The following WDSUB1 variants were observed in gnomAD, a reference collection of about 807,000 sequenced individuals.
WDSUB1 encodes WD repeat, sterile alpha motif and U-box domain containing 1, also known as WD repeat, SAM and U-box domain-containing protein 1.
Under a neutral mutation model 53.9 loss-of-function variants are expected in WDSUB1, and 49 were observed. The ratio of observed to expected loss-of-function variants is 0.91; its 90% CI spans 0.72 to 1.15. WDSUB1 has a LOEUF of 1.15. Ranked by LOEUF, WDSUB1 falls within the 50% of genes most tolerant of loss-of-function variation. The probability of loss-of-function intolerance (pLI) is 0.00; values close to 1 mark genes in which losing one functional copy is unlikely to be tolerated. For missense variants in WDSUB1, 514 were observed against 562.0 expected (o/e 0.91, Z 0.86); for synonymous variants, 194 against 200.6 (o/e 0.97, Z 0.28).
chr2:159,267,445 C>CA (rs1340181601), intron 5 of WDSUB1, among the ~76,000 whole-genome samples: 1 of 152,040 alleles, frequency 6.6e-6, no homozygotes, highest in Non-Finnish European at 1.5e-5. Context: ...AGACTACAGG[C>CA]ACACACCCCT....
In WDSUB1 at chr2:159,282,255, T is replaced by C. The variant is rs975549400; in HGVS notation, c.398+417A>G. 1.1e-4 allele frequency among the ~76,000 whole-genome samples: 17 copies of C among 151,586 alleles called. 1 individual carries two copies. Among genetic ancestry groups the C allele is most frequent in the Non-Finnish European group, 8.8e-5 (6 of 67,874 alleles). On this transcript the variant is annotated intron_variant, in intron 2 of 10. Transcript: ENST00000359774. Reference sequence around the variant, plus strand: ...TCACCCAGGCTGGAGTACAGTGGTGTGATCTCGGCTCACTGCAAGCTCCGC... The same window carrying C: ...TCACCCAGGCTGGAGTACAGTGGTGCGATCTCGGCTCACTGCAAGCTCCGC...
intron 9 of WDSUB1, among the ~76,000 whole-genome samples, chr2:159,251,698 G>A (rs2060954549): frequency 6.6e-6 from 1 of 152,176 alleles, no homozygotes; most frequent in African/African-American, 2.4e-5. Context: ...AAGACATCTT[G>A]ATGACAAGTT....
rs780567379 is a variant in WDSUB1 at position 159,271,664 on chromosome 2, A to G, written c.770+38T>C. 17 of 1,539,052 alleles carry G rather than the reference A, an allele frequency of 1.1e-5. No individual in the cohort carries two copies. The East Asian group carries it at 3.8e-4, about 35-fold the overall frequency. On this transcript the variant is annotated intron_variant, in intron 5 of 10. Transcript: ENST00000359774. Reference sequence around the variant, plus strand: ...TTTCCGTGTGTCTGTTTGATTTCATATAAAAATGGTTTAGGAAAATTAAAC... The same window carrying G: ...TTTCCGTGTGTCTGTTTGATTTCATGTAAAAATGGTTTAGGAAAATTAAAC...
At chr2:159,286,059 C>G (rs1477321644) in intron 1 of WDSUB1, among the ~76,000 whole-genome samples, 1 of 152,126 alleles carries the variant, frequency 6.6e-6, no homozygotes, top group Non-Finnish European at 1.5e-5. Context: ...TGAAAAAGCT[C>G]TCAGGCCTAC....
rs1359454241 is a variant in WDSUB1, at chr2:159,257,821, C to T, written c.889G>A (p.Ala297Thr). ...CAFAPNTLLL[A>T]TGSMDKTVNI... The stretch of plus-strand genomic sequence containing the variant: ...ACTGTTTTGTCCATTGAACCAGTAG[C>T]AAGTAAAAGGGTATTAGGTGCAAAA... Residue 297 changes from alanine (A) to threonine (T), a missense_variant, in exon 8 of 11, where the codon GCT becomes ACT. Coordinates refer to ENST00000359774, the MANE Select transcript of WDSUB1 (RefSeq NM_001128212.3). The T allele has an allele frequency of 1.2e-6, 2 of 1,614,138 alleles. No individual in the cohort carries two copies. Among genetic ancestry groups the T allele is most frequent in the South Asian group, 2.2e-5 (2 of 91,080 alleles).
chr2:159,280,412 C>T (rs1359565987), intron 2 of WDSUB1, among the ~76,000 whole-genome samples: 1 of 152,012 alleles, frequency 6.6e-6, no homozygotes, highest in Non-Finnish European at 1.5e-5. Context: ...CCAGAAGTGG[C>T]CGGGCGCGGT....
chr2:159,278,909 G>C lies in WDSUB1; in HGVS notation c.583+852C>G, dbSNP rs117510342. Among the ~76,000 whole-genome samples, 250 of 152,228 alleles carry C rather than the reference G, an allele frequency of 1.6e-3. 4 individuals carry two copies. In the East Asian group the frequency reaches 0.04, roughly 25 times the overall value. ...TAGGGCAGTGACTGGCCATATGTGG[G>C]TATCAAAGACTTGAAATGCAGCTAG... On this transcript the variant is annotated intron_variant, in intron 3 of 10. Transcript: ENST00000359774.
rs192861544 is a variant in WDSUB1 at position 159,260,264 on chromosome 2, C to T, written c.771-421G>A. 4.0e-3 allele frequency among the ~76,000 whole-genome samples: 613 copies of T among 152,130 alleles called. 8 individuals carry two copies. Among genetic ancestry groups the T allele is most frequent in the African/African-American group, 0.014 (584 of 41,474 alleles). ...AGGTTACAATGAGCCAAGATCATGC[C>T]ACTGTACTCCAGCCTGGGTGGCAAA... On this transcript the variant is annotated intron_variant, in intron 5 of 10. Transcript: ENST00000359774.
At chr2:159,254,326 G>A (rs1177650338) in intron 9 of WDSUB1, among the ~76,000 whole-genome samples, 1 of 152,106 alleles carries the variant, frequency 6.6e-6, no homozygotes, top group South Asian at 2.1e-4. Context: ...TTGGGAGGCC[G>A]AGCTGGGAGG....
At chr2:159,282,354 G>A (rs894531441) in intron 2 of WDSUB1, among the ~76,000 whole-genome samples, 6 of 151,914 alleles carry the variant, frequency 3.9e-5, no homozygotes, top group African/African-American at 4.8e-5. Context: ...CACCATGCCC[G>A]GCTAATTTTT....
chr2:159,251,197 T>C (rs1342344762), intron 9 of WDSUB1, among the ~76,000 whole-genome samples: 8 of 143,698 alleles, frequency 5.6e-5, no homozygotes, highest in Admixed American at 1.4e-4. Context: ...GCCCAAGAGG[T>C]AGAGGCTACA....
Position 159,282,783 on chromosome 2 carries a change from C to G in WDSUB1, c.287G>C (p.Ser96Thr), listed in dbSNP as rs775641046. ...GQMLAVMEQP[S>T]GSPVRVCQFS... ...CTGGCAAACCCTCACAGGGCTGCCA[C>G]TAGGCTGTTCCATCACTGCCAGCAT... Residue 96 changes from serine to threonine, a missense_variant, in exon 2 of 11, where the codon AGT (serine) becomes ACT (threonine). Ser to Thr is a moderately conservative substitution (Grantham distance 58). Coordinates refer to ENST00000359774, the MANE Select transcript of WDSUB1 (RefSeq NM_001128212.3). 4 of 1,614,110 alleles carry G rather than the reference C, an allele frequency of 2.5e-6. No individual in the cohort carries two copies. The East Asian group carries it at 8.9e-5, about 36-fold the overall frequency.
At chr2:159,242,572 T>A (rs1436072098) in intron 10 of WDSUB1, among the ~76,000 whole-genome samples, 1 of 147,604 alleles carries the variant, frequency 6.8e-6, no homozygotes, top group Non-Finnish European at 1.5e-5. Flanking sequence ...GGAGAATCGC[T>A]TGAACTGAGG....
intron 10 of WDSUB1, among the ~76,000 whole-genome samples, chr2:159,236,624 T>G (rs2060489245): frequency 6.6e-6 from 1 of 152,012 alleles, no homozygotes; most frequent in Admixed American, 6.6e-5. Context: ...TTTACTCCCC[T>G]AAGGATTTGA....
At chr2:159,283,556 G>A (rs1023097001) in intron 1 of WDSUB1, among the ~76,000 whole-genome samples, 2 of 131,674 alleles carry the variant, frequency 1.5e-5, no homozygotes, top group Non-Finnish European at 3.5e-5. Context: ...GTGACAGAGC[G>A]AAACTCCATC....
chr2:159,244,131 G>C (rs563757527), intron 10 of WDSUB1, among the ~76,000 whole-genome samples: 1 of 152,086 alleles, frequency 6.6e-6, no homozygotes, highest in Non-Finnish European at 1.5e-5. Flanking sequence ...ACTTAATGGT[G>C]AAAGTTGAAT....
At position 159,262,399 on chromosome 2, in the gene WDSUB1, A is replaced by C. The variant is rs190342802; in HGVS notation, c.771-2556T>G. ...GCCCAAGGAATCTGGACGATTTCACAGGCCACAGCTAGCCATGAGGGCAGT... is the reference window on the plus strand; with the variant it reads ...GCCCAAGGAATCTGGACGATTTCACCGGCCACAGCTAGCCATGAGGGCAGT... On this transcript the variant is annotated intron_variant, in intron 5 of 10. Coordinates refer to ENST00000359774, the MANE Select transcript of WDSUB1 (RefSeq NM_001128212.3). 4.9e-3 allele frequency among the ~76,000 whole-genome samples: 752 copies of C among 152,266 alleles called. 3 individuals are homozygous for C. The highest frequency in any genetic ancestry group is 0.017 in the Middle Eastern group (5 of 294).
chr2:159,258,695 A>T (rs1368214233), intron 6 of WDSUB1, among the ~76,000 whole-genome samples: 1 of 152,194 alleles, frequency 6.6e-6, no homozygotes, highest in Non-Finnish European at 1.5e-5. Context: ...CTTAGAGTAC[A>T]CTAAGGTGTC....
At chr2:159,283,589 T>A in intron 1 of WDSUB1, among the ~76,000 whole-genome samples, 1 of 57,754 alleles carries the variant, frequency 1.7e-5, no homozygotes, top group Non-Finnish European at 6.0e-5. Flanking sequence ...GAAAATAGAG[T>A]ATTTTCTATT....
Sources: gnomAD v4.1 joint callset for allele counts (sites outside exome capture counted in the v4.1 genomes callset) on GRCh38, gnomAD v4.1.1 for gene constraint, MANE v1.5 for transcripts, NCBI Gene and HGNC (gene_info 2026-07-23, HGNC 2026-07-21) for gene names.